Variants in CCDC7 observed in about 807,000 individuals in gnomAD.
CCDC7 encodes coiled-coil domain-containing protein 7.
In CCDC7, 183 loss-of-function variants were observed where a neutral mutation model predicts 196.9. That is an observed-to-expected ratio of 0.93 (90% CI 0.82 to 1.05). The LOEUF (loss-of-function observed/expected upper bound fraction) is 1.05, where lower values mean the gene tolerates loss of function less well. Ranked by LOEUF, CCDC7 falls within the 50% of genes least tolerant of loss-of-function variation. The probability of loss-of-function intolerance (pLI) is 0.00; values close to 1 mark genes in which losing one functional copy is unlikely to be tolerated. For missense variants in CCDC7, 1,540 were observed against 1,482.2 expected (o/e 1.04, Z -0.64); for synonymous variants, 525 against 484.6 (o/e 1.08, Z -1.10).
chr10:32,627,811 A>G (rs1032364318), intron 18 of CCDC7, among the ~76,000 whole-genome samples: 1 of 151,962 alleles, frequency 6.6e-6, no homozygotes, highest in Admixed American at 6.6e-5. Flanking sequence ...ATGATATATC[A>G]CATTTATTGA....
chr10:32,500,327 G>A (rs539973850), intron 9 of CCDC7, among the ~76,000 whole-genome samples: 139 of 147,572 alleles, frequency 9.4e-4, no homozygotes, highest in African/African-American at 3.4e-3. Context: ...CTCACTTCTC[G>A]GACGGGGCGG....
chr10:32,865,183 A>T (rs897371906), intron 41 of CCDC7, among the ~76,000 whole-genome samples: 19 of 151,912 alleles, frequency 1.3e-4, no homozygotes, highest in Admixed American at 5.9e-4. Flanking sequence ...AGTGTTTATA[A>T]TACATATAGC....
At chr10:32,562,559 T>C (rs569886423) in intron 13 of CCDC7, among the ~76,000 whole-genome samples, 2 of 152,348 alleles carry the variant, frequency 1.3e-5, no homozygotes, top group African/African-American at 4.8e-5. Flanking sequence ...ACCACATGAT[T>C]ATCTCAATAG....
At chr10:32,462,774 T>C (rs550431830) in intron 4 of CCDC7, 71 bp downstream of exon 5, 3 of 1,371,932 alleles carry the variant, frequency 2.2e-6, no homozygotes, top group Admixed American at 2.9e-5. Context: ...GAAGAAGAGG[T>C]TTCTAAATTT....
At chr10:32,676,650 C>T (rs549907297) in intron 21 of CCDC7, among the ~76,000 whole-genome samples, 2 of 152,108 alleles carry the variant, frequency 1.3e-5, no homozygotes. Context: ...CAGAGAAATG[C>T]AAATCAAAAC....
At chr10:32,608,331 A>T (rs968062417) in intron 18 of CCDC7, among the ~76,000 whole-genome samples, 1 of 151,082 alleles carries the variant, frequency 6.6e-6, no homozygotes, top group South Asian at 2.1e-4. Context: ...TTCTTCTACA[A>T]ATTTTTGGTT....
chr10:32,517,545 T>C (rs2047205936), intron 9 of CCDC7, among the ~76,000 whole-genome samples: 1 of 142,842 alleles, frequency 7.0e-6, no homozygotes, highest in Admixed American at 7.7e-5. Flanking sequence ...AGAAAATGTG[T>C]GTGTTAGGTG....
intron 18 of CCDC7, among the ~76,000 whole-genome samples, chr10:32,629,454 G>A (rs1437084187): frequency 2.6e-5 from 4 of 152,046 alleles, no homozygotes; most frequent in Non-Finnish European, 2.9e-5. Context: ...TTGAGAGTCA[G>A]TTTATTGGGT....
chr10:32,512,887 T>C (rs2135399801), intron 9 of CCDC7: 1 of 152,306 alleles, frequency 6.6e-6, no homozygotes, highest in East Asian at 1.9e-4. Flanking sequence ...GACAAAGCCA[T>C]GACTTTTTTG....
chr10:32,452,096 T>C (rs1661780163), intron 1 of CCDC7, among the ~76,000 whole-genome samples, 175 bp downstream of exon 2: 1 of 152,184 alleles, frequency 6.6e-6, no homozygotes, highest in South Asian at 2.1e-4. Flanking sequence ...GCAAGAGTCT[T>C]TTCCCTTTAG....
chr10:32,759,979 A>T (rs1357751729), intron 28 of CCDC7, among the ~76,000 whole-genome samples: 1 of 152,082 alleles, frequency 6.6e-6, no homozygotes, highest in Non-Finnish European at 1.5e-5. Context: ...ATGCAGCCAA[A>T]AAACACATGA....
Position 32,543,401 on chromosome 10 carries a change from A to G in CCDC7, c.1079+16A>G. ...ATTCAGAAAAGTAAGACATAAAGAT[A>G]CATGTTAATCTTTTTTTCCTTGTTA... On this transcript the variant is annotated intron_variant, in intron 12 of 41. Transcript: ENST00000639629. 3 of 1,329,780 alleles carry G rather than the reference A, an allele frequency of 2.3e-6. No homozygotes were observed. Among genetic ancestry groups the G allele is most frequent in the Non-Finnish European group, 3.0e-6 (3 of 999,402 alleles). The allele number at this position is 1,329,780 out of a possible 1,614,324, so 82.4% of individuals were successfully genotyped here.
chr10:32,685,738 C>G (rs545629606), intron 21 of CCDC7, among the ~76,000 whole-genome samples: 2 of 152,154 alleles, frequency 1.3e-5, no homozygotes, highest in South Asian at 4.1e-4. Context: ...AAAATATAGA[C>G]TAACTATATA....
chr10:32,873,605 A>C (rs2094504477), intron 41 of CCDC7, among the ~76,000 whole-genome samples: 1 of 151,850 alleles, frequency 6.6e-6, no homozygotes, highest in African/African-American at 2.4e-5. Flanking sequence ...AGTCTGTACC[A>C]CATTTTGTTT....
intron 8 of CCDC7, among the ~76,000 whole-genome samples, chr10:32,481,098 T>G (rs1298659498): frequency 6.6e-6 from 1 of 152,186 alleles, no homozygotes. Context: ...CTTCTTTGTC[T>G]CTTGTGACTG....
At chr10:32,696,739 G>A (rs552256896) in intron 24 of CCDC7, among the ~76,000 whole-genome samples, 1 of 152,180 alleles carries the variant, frequency 6.6e-6, no homozygotes, top group East Asian at 1.9e-4. Context: ...CTTTGGTGAG[G>A]CCCTTACCTA....
downstream of CCDC7, among the ~76,000 whole-genome samples, chr10:32,878,277 G>T (rs1001683275): frequency 7.9e-5 from 12 of 151,996 alleles, no homozygotes; most frequent in Admixed American, 5.9e-4. Context: ...CTCCCATATT[G>T]AACTGTGCAA....
At chr10:32,498,600 T>C (rs915192849) in intron 9 of CCDC7, among the ~76,000 whole-genome samples, 1 of 152,162 alleles carries the variant, frequency 6.6e-6, no homozygotes, top group African/African-American at 2.4e-5. Context: ...TCTCTCAGCA[T>C]TTGCTTGTCT....
chr10:32,678,773 G>A lies in CCDC7; in HGVS notation c.2123-7197G>A, dbSNP rs182725440. On this transcript the variant is annotated intron_variant, in intron 21 of 41. Transcript: ENST00000639629. ...CACTGTGCTGTGACAGCTTGGGGAA[G>A]GTGTGACATGAGTAGAGATGAAACT... Among the ~76,000 whole-genome samples, 19 of 152,202 alleles carry A rather than the reference G, an allele frequency of 1.2e-4. No individual in the cohort carries two copies. In the South Asian group the frequency reaches 1.9e-3, roughly 15 times the overall value.
Sources: gnomAD v4.1 joint callset for allele counts (sites outside exome capture counted in the v4.1 genomes callset) on GRCh38, gnomAD v4.1.1 for gene constraint, MANE v1.5 for transcripts, NCBI Gene and HGNC (gene_info 2026-07-23, HGNC 2026-07-21) for gene names.